Variants in ESRRG observed in about 807,000 individuals in gnomAD.
ESRRG encodes the protein estrogen related receptor gamma.
Under a neutral mutation model 44.0 loss-of-function variants are expected in ESRRG, and 13 were observed. The observed-to-expected ratio is 0.30, with a 90% CI of 0.19 to 0.47. The LOEUF is 0.47. Among genes scored for constraint, ESRRG ranks in the 20% least tolerant of loss-of-function variants. ESRRG has a pLI of 1.00. For synonymous variants in ESRRG, 215 were observed against 214.6 expected, an observed-to-expected ratio of 1.00 and a Z score of -0.02; for missense variants, 395 against 580.6, an observed-to-expected ratio of 0.68 and a Z score of 3.29.
chr1:216,626,616 T>A (rs1411456568), intron 3 of ESRRG, among the ~76,000 whole-genome samples: 1 of 152,194 alleles, frequency 6.6e-6, no homozygotes, highest in Non-Finnish European at 1.5e-5. Context: ...GAGATGCCTG[T>A]CCCTGTCCTA....
At chr1:216,650,844 T>C in intron 3 of ESRRG, 129 bp downstream of exon 3, 1 of 697,974 alleles carries the variant, frequency 1.4e-6, no homozygotes, top group Non-Finnish European at 2.6e-6. Flanking sequence ...AAAGGAGTAT[T>C]CTGCCATCAG....
intron 2 of ESRRG, among the ~76,000 whole-genome samples, chr1:216,879,484 C>CAAAAAAAAAA (rs755104959): frequency 1.1e-5 from 1 of 89,430 alleles, no homozygotes; most frequent in East Asian, 3.6e-4. Flanking sequence ...AAAAGGCCAC[C>CAAAAAAAAAA]AAAAAAAAAA....
At chr1:216,783,985 T>C (rs1185772979) in intron 2 of ESRRG, among the ~76,000 whole-genome samples, 2 of 152,120 alleles carry the variant, frequency 1.3e-5, no homozygotes, top group African/African-American at 4.8e-5. Context: ...TTGGGTGCCA[T>C]GTACTTGCTT....
intron 1 of ESRRG, among the ~76,000 whole-genome samples, chr1:217,125,721 A>G (rs1466403013): frequency 6.6e-6 from 1 of 152,204 alleles, no homozygotes; most frequent in Non-Finnish European, 1.5e-5. Flanking sequence ...ATCACTTTGA[A>G]TCTATTTAAA....
At chr1:216,542,061 T>G (rs1005384058) in intron 5 of ESRRG, among the ~76,000 whole-genome samples, 3 of 141,258 alleles carry the variant, frequency 2.1e-5, no homozygotes, top group Non-Finnish European at 1.5e-5. Context: ...GTATAAGGTG[T>G]GTGTCTATGA....
chr1:216,646,625 G>A (rs1193876320), intron 3 of ESRRG, among the ~76,000 whole-genome samples: 1 of 152,068 alleles, frequency 6.6e-6, no homozygotes, highest in Non-Finnish European at 1.5e-5. Context: ...CTTACACTAG[G>A]CCACATGGTA....
chr1:216,542,007 T>C (rs900487911), intron 5 of ESRRG, among the ~76,000 whole-genome samples: 3 of 151,680 alleles, frequency 2.0e-5, no homozygotes, highest in Non-Finnish European at 4.4e-5. Flanking sequence ...CTAAGATGTA[T>C]TCTTTGGTAA....
At chr1:217,069,870 G>A (rs190045148) in intron 1 of ESRRG, among the ~76,000 whole-genome samples, 3 of 152,268 alleles carry the variant, frequency 2.0e-5, no homozygotes, top group Admixed American at 2.0e-4. Context: ...AAAAAATAAT[G>A]TTGTAAATCA....
intron 5 of ESRRG, among the ~76,000 whole-genome samples, chr1:216,547,250 T>TTGTTGA (rs775439426): frequency 9.0e-6 from 1 of 111,416 alleles, no homozygotes; most frequent in Non-Finnish European, 1.9e-5. Flanking sequence ...GATGTTGATG[T>TTGTTGA]TGTTGATGAT....
chr1:216,815,050 G>C (rs1471916565), intron 2 of ESRRG, among the ~76,000 whole-genome samples: 1 of 152,180 alleles, frequency 6.6e-6, no homozygotes, highest in African/African-American at 2.4e-5. Context: ...GCTTGACGCA[G>C]GGAAGAAGCA....
chr1:216,654,355 G>A (rs573622351), intron 2 of ESRRG, among the ~76,000 whole-genome samples: 33 of 152,036 alleles, frequency 2.2e-4, no homozygotes, highest in African/African-American at 7.5e-4. Flanking sequence ...AGCCAGGTGC[G>A]ATGGCTCACA....
At chr1:216,642,548 G>A (rs1471572515) in intron 3 of ESRRG, among the ~76,000 whole-genome samples, 1 of 151,996 alleles carries the variant, frequency 6.6e-6, no homozygotes, top group African/African-American at 2.4e-5. Context: ...TTATAACTTG[G>A]GAGTTTTGTT....
chr1:216,688,771 C>T (rs1356259230), intron 1 of ESRRG, among the ~76,000 whole-genome samples: 1 of 151,916 alleles, frequency 6.6e-6, no homozygotes, highest in Non-Finnish European at 1.5e-5. Flanking sequence ...CAATTTTTGT[C>T]AAGTTTAGTC....
intron 1 of ESRRG, among the ~76,000 whole-genome samples, chr1:217,099,359 T>C (rs546773875): frequency 6.9e-6 from 1 of 145,944 alleles, no homozygotes; most frequent in South Asian, 2.3e-4. Flanking sequence ...TAACAACAAT[T>C]AGACCTGTGA....
chr1:217,015,976 G>A (rs1207359585), intron 1 of ESRRG, among the ~76,000 whole-genome samples: 1 of 151,924 alleles, frequency 6.6e-6, no homozygotes, highest in Non-Finnish European at 1.5e-5. Context: ...GGTGATCGAG[G>A]GCGGCTAGAT....
chr1:217,067,955 C>T (rs971539235), intron 1 of ESRRG, among the ~76,000 whole-genome samples: 1 of 152,172 alleles, frequency 6.6e-6, no homozygotes, highest in African/African-American at 2.4e-5. Flanking sequence ...TCTCCACACA[C>T]ACTAGATCTC....
At chr1:216,969,359 T>A (rs1316385132) in intron 1 of ESRRG, among the ~76,000 whole-genome samples, 2 of 152,130 alleles carry the variant, frequency 1.3e-5, no homozygotes, top group Admixed American at 1.3e-4. Context: ...TTCTGACCCT[T>A]ATGGTGTTCA....
intron 1 of ESRRG, among the ~76,000 whole-genome samples, chr1:216,677,792 TAA>T (rs938790157): frequency 4.6e-5 from 7 of 152,200 alleles, no homozygotes; most frequent in African/African-American, 7.2e-5. Flanking sequence ...ACAAAAGCTC[TAA>T]AGAGTCCGAT....
intron 3 of ESRRG, among the ~76,000 whole-genome samples, chr1:216,615,173 C>G (rs577295245): frequency 1.3e-5 from 2 of 152,286 alleles, no homozygotes; most frequent in African/African-American, 4.8e-5. Flanking sequence ...CATTGACTTC[C>G]TACTTCAAAG....
Sources: allele counts gnomAD v4.1 joint callset (sites outside exome capture counted in the v4.1 genomes callset), GRCh38; gene constraint gnomAD v4.1.1; transcripts MANE v1.5; gene names NCBI Gene and HGNC (gene_info 2026-07-23, HGNC 2026-07-21).